OSTM1: variants seen among roughly 807,000 people sequenced by gnomAD.
OSTM1 encodes osteoclastogenesis associated transmembrane protein 1.
In OSTM1, 26 loss-of-function variants were observed where a neutral mutation model predicts 35.4. The ratio of observed to expected loss-of-function variants is 0.73; its 90% confidence interval spans 0.54 to 1.02. The LOEUF is 1.02. OSTM1 is among the 50% of genes least tolerant of loss of function. OSTM1 has a pLI of 0.00. For synonymous variants in OSTM1, 181 were observed against 165.0 expected, an observed-to-expected ratio of 1.10 and a Z score of -0.75; for missense variants, 366 against 409.6, an observed-to-expected ratio of 0.89 and a Z score of 0.92.
At chr6:108,052,432 C>CAAA (rs1174266231) in intron 3 of OSTM1, among the ~76,000 whole-genome samples, 1 of 66,318 alleles carries the variant, frequency 1.5e-5, no homozygotes. Flanking sequence ...GACTCCGTCT[C>CAAA]AAAAAAAAAA....
intron 1 of OSTM1, among the ~76,000 whole-genome samples, chr6:108,073,430 T>C (rs2114615188): frequency 6.6e-6 from 1 of 152,336 alleles, no homozygotes. Flanking sequence ...TCTGTTTTTC[T>C]TTTTAAAATT....
chr6:108,072,204 G>A (rs988812007), intron 1 of OSTM1, among the ~76,000 whole-genome samples: 11 of 152,084 alleles, frequency 7.2e-5, no homozygotes, highest in Non-Finnish European at 1.5e-4. Flanking sequence ...ATGCTATATC[G>A]TATCCTGCTG....
At chr6:108,071,279 C>T (rs1320165601) in intron 1 of OSTM1, among the ~76,000 whole-genome samples, 2 of 151,640 alleles carry the variant, frequency 1.3e-5, no homozygotes, top group Non-Finnish European at 2.9e-5. Context: ...ACTCATGACA[C>T]ATTTTTCCAT....
Position 108,051,101 on chromosome 6 carries a change from A to T in OSTM1, c.713T>A (p.Met238Lys). ...YKTLSSLYSEMQKMNELENKA... is the reference protein window; with the variant it reads ...YKTLSSLYSEKQKMNELENKA... ...ATTCTCAAGTTCATTCATTTTTTGC[A>T]TTTCACTGTACAGACTACTCAGAGT... Residue 238 changes from methionine to lysine, a missense_variant, in exon 4 of 6, where the codon ATG (methionine) becomes AAG (lysine). Coordinates refer to ENST00000193322, the MANE Select transcript of OSTM1 (RefSeq NM_014028.4). 6.2e-7 allele frequency: 1 copy of T among 1,613,614 alleles called. No individual in the cohort carries two copies. Among genetic ancestry groups the T allele is most frequent in the East Asian group, 2.2e-5 (1 of 44,826 alleles).
intron 4 of OSTM1, among the ~76,000 whole-genome samples, chr6:108,050,356 GT>G (rs1204308246): frequency 8.2e-6 from 1 of 122,432 alleles, no homozygotes; most frequent in Non-Finnish European, 1.6e-5. Flanking sequence ...ATCCAGAAAC[GT>G]CTTTTTTTTT....
In OSTM1 at chr6:108,074,741, C is replaced by A. The variant is rs1166524891; in HGVS notation, c.-90G>T. The A allele has an allele frequency of 2.9e-6, 4 of 1,368,718 alleles. No homozygotes were observed. The highest frequency in any genetic ancestry group is 3.1e-5 in the South Asian group (2 of 64,070). 84.8% of individuals were successfully genotyped at this position (1,368,718 alleles called of 1,614,324 possible). A position where few individuals can be genotyped will look rare whatever the true frequency, so the allele number is the denominator to read the frequency against. ...AGCCGCCGCTTCCGGTTTCCGCGAG[C>A]GCAGGCCGAGAGCCGGGTCACGAGG... On this transcript the variant is annotated 5_prime_UTR_variant, in exon 1 of 6. Coordinates refer to ENST00000193322, the MANE Select transcript of OSTM1 (RefSeq NM_014028.4).
chr6:108,044,851 C>G lies in OSTM1; in HGVS notation c.950-11G>C. 1 of 1,448,366 alleles carries G rather than the reference C, an allele frequency of 6.9e-7. No homozygotes were observed. Among genetic ancestry groups the G allele is most frequent in the Non-Finnish European group, 9.5e-7 (1 of 1,048,278 alleles). 89.7% of individuals were successfully genotyped at this position (1,448,366 alleles called of 1,614,324 possible). A position where few individuals can be genotyped will look rare whatever the true frequency, so the allele number is the denominator to read the frequency against. On this transcript the variant is annotated splice_polypyrimidine_tract_variant and intron_variant, in intron 5 of 5. Coordinates refer to ENST00000193322, the MANE Select transcript of OSTM1 (RefSeq NM_014028.4). ...ACTTGAGACGTTTGGCTAGATAAAT[C>G]AAAAGAATTATATTTTAATTTAAAT...
chr6:108,071,114 G>A (rs1379245027), intron 1 of OSTM1, among the ~76,000 whole-genome samples: 1 of 151,712 alleles, frequency 6.6e-6, no homozygotes. Context: ...CATGAACCTG[G>A]GAGGTGGAGC....
intron 1 of OSTM1, among the ~76,000 whole-genome samples, chr6:108,068,297 T>A (rs921045450): frequency 1.3e-5 from 2 of 152,194 alleles, no homozygotes; most frequent in African/African-American, 4.8e-5. Flanking sequence ...AAATGCCATT[T>A]TTATGCCGAC....
intron 1 of OSTM1, among the ~76,000 whole-genome samples, chr6:108,066,255 C>T (rs1267055669): frequency 6.6e-6 from 1 of 152,146 alleles, no homozygotes; most frequent in East Asian, 1.9e-4. Flanking sequence ...ACTCATTACA[C>T]TACTTCCATA....
chr6:108,048,943 G>A (rs894598898), intron 5 of OSTM1, among the ~76,000 whole-genome samples: 1 of 151,684 alleles, frequency 6.6e-6, no homozygotes, highest in Non-Finnish European at 1.5e-5. Flanking sequence ...AGTAGAGATG[G>A]GGTTTCACCG....
intron 5 of OSTM1, 67 bp from the exon 6 acceptor site, chr6:108,044,907 T>C: frequency 1.2e-6 from 1 of 802,200 alleles, no homozygotes; most frequent in South Asian, 1.9e-5. Flanking sequence ...TTTACTATTT[T>C]TATGTAATCT....
intron 2 of OSTM1, among the ~76,000 whole-genome samples, chr6:108,058,972 C>A (rs1284221336): frequency 6.6e-6 from 1 of 152,158 alleles, no homozygotes; most frequent in African/African-American, 2.4e-5. Context: ...TCACCCAGAT[C>A]ACCTGTATCA....
intron 2 of OSTM1, among the ~76,000 whole-genome samples, chr6:108,059,829 T>C (rs1256262295): frequency 6.6e-6 from 1 of 152,172 alleles, no homozygotes; most frequent in African/African-American, 2.4e-5. Flanking sequence ...TCCACTTTTC[T>C]GCCACATAAA....
chr6:108,055,161 T>C (rs1772148398), intron 2 of OSTM1, among the ~76,000 whole-genome samples: 1 of 152,204 alleles, frequency 6.6e-6, no homozygotes, highest in Non-Finnish European at 1.5e-5. Context: ...ACAAAATTGT[T>C]TTACATTTTT....
chr6:108,042,333 A>G lies in OSTM1; in HGVS notation c.*2452T>C, dbSNP rs568709476. ...AAAAAATATATCTGATGTTATTTCT[A>G]TCTCTCAAGTTCAACAATAAATAAT... is the stretch of plus-strand genomic sequence containing the variant. On this transcript the variant is annotated 3_prime_UTR_variant, in exon 6 of 6. Transcript: ENST00000193322. 1.3e-5 allele frequency: 2 copies of G among 150,514 alleles called. No homozygotes were observed. The highest frequency in any genetic ancestry group is 2.4e-5 in the African/African-American group (1 of 41,268). The allele number at this position is 150,514 out of a possible 1,614,324, so 9.3% of individuals were successfully genotyped here.
intron 1 of OSTM1, among the ~76,000 whole-genome samples, chr6:108,068,099 G>A (rs1042418018): frequency 6.6e-6 from 1 of 152,104 alleles, no homozygotes; most frequent in Admixed American, 6.5e-5. Context: ...AATTCTCTCA[G>A]CAGGATTTGA....
intron 2 of OSTM1, among the ~76,000 whole-genome samples, chr6:108,063,339 G>A (rs1374379065): frequency 6.6e-6 from 1 of 152,188 alleles, no homozygotes; most frequent in African/African-American, 2.4e-5. Flanking sequence ...TTGAAATCAT[G>A]TCCAATAGTA....
chr6:108,055,474 C>T (rs1582391026), intron 2 of OSTM1, among the ~76,000 whole-genome samples: 1 of 152,304 alleles, frequency 6.6e-6, no homozygotes, highest in Non-Finnish European at 1.5e-5. Flanking sequence ...GCATGAGCCA[C>T]TGCGCTCAGC....
Sources: allele counts gnomAD v4.1 joint callset (sites outside exome capture counted in the v4.1 genomes callset), GRCh38; gene constraint gnomAD v4.1.1; transcripts MANE v1.5; gene names NCBI Gene and HGNC (gene_info 2026-07-23, HGNC 2026-07-21).